Variants in RYK observed in about 807,000 individuals in gnomAD.
RYK encodes receptor like tyrosine kinase, also known as inactive tyrosine-protein kinase RYK.
A neutral mutation model predicts 70.2 loss-of-function variants in RYK; 21 were observed. The observed-to-expected ratio is 0.30, with a 90% CI of 0.21 to 0.43. RYK has a LOEUF of 0.43. RYK is among the 20% of genes least tolerant of loss of function. The pLI, the probability that RYK is intolerant of heterozygous loss-of-function variation, is 1.00. For synonymous variants in RYK, 267 were observed against 278.0 expected (o/e 0.96, Z 0.39); for missense variants, 604 against 753.3 (o/e 0.80, Z 2.32).
chr3:134,195,425 T>C (rs1560011535), intron 6 of RYK: 1 of 371,162 alleles, frequency 2.7e-6, no homozygotes, highest in Non-Finnish European at 4.8e-6. Flanking sequence ...TTCAGAAATG[T>C]AGGTACTAGT....
intron 1 of RYK, among the ~76,000 whole-genome samples, chr3:134,232,442 TCAA>T (rs1466375634): frequency 1.3e-5 from 2 of 152,156 alleles, no homozygotes; most frequent in Non-Finnish European, 1.5e-5. Context: ...GCTTGTACCC[TCAA>T]CAAATAAATA....
At chr3:134,177,015 T>C (rs1389176499) in intron 11 of RYK, among the ~76,000 whole-genome samples, 1 of 151,790 alleles carries the variant, frequency 6.6e-6, no homozygotes, top group Non-Finnish European at 1.5e-5. Flanking sequence ...CACTGCACTC[T>C]AGCCTGGGCG....
Position 134,202,837 on chromosome 3 carries a change from A to G in RYK, c.681T>C (p.Arg227=), listed in dbSNP as rs2014068634. The part of the protein sequence containing the change: ...PVHAAPTTST[R]VFYISVGVCC... ...AAACCCCTACACTAATATAAAACAC[A>G]CGCGTAGAAGTGGTTGGAGCTGCAT... Residue 227 remains arginine (R), a synonymous_variant, in exon 6 of 15, where the codon CGT becomes CGC. Coordinates refer to ENST00000623711, the MANE Select transcript of RYK (RefSeq NM_002958.4). 6.2e-7 allele frequency: 1 copy of G among 1,613,638 alleles called. No homozygotes were observed. The highest frequency in any genetic ancestry group is 1.7e-5 in the Admixed American group (1 of 59,986).
chr3:134,162,218 G>A (rs1465551444), intron 13 of RYK, among the ~76,000 whole-genome samples: 2 of 150,078 alleles, frequency 1.3e-5, no homozygotes, highest in African/African-American at 2.5e-5. Context: ...AGGTACTGGG[G>A]GTTAGGGCTT....
intron 13 of RYK, among the ~76,000 whole-genome samples, chr3:134,163,990 T>A (rs1339908216): frequency 6.6e-6 from 1 of 152,176 alleles, no homozygotes; most frequent in Admixed American, 6.5e-5. Flanking sequence ...ATTATTTTAT[T>A]TAATTAATTA....
intron 13 of RYK, among the ~76,000 whole-genome samples, chr3:134,174,511 T>A (rs1157511927): frequency 6.6e-6 from 1 of 152,138 alleles, no homozygotes; most frequent in Non-Finnish European, 1.5e-5. Context: ...ATTCTTACAG[T>A]TGAAGCTTAG....
intron 3 of RYK, 132 bp from the exon 4 acceptor site, chr3:134,209,961 A>G (rs911223852): frequency 1.6e-5 from 11 of 701,406 alleles, no homozygotes; most frequent in Non-Finnish European, 2.3e-5. Context: ...ACATTTAAAT[A>G]AAGTAACTAA....
At position 134,226,283 on chromosome 3, in the gene RYK, A is replaced by C. The variant is rs1321623840; in HGVS notation, c.233-3744T>G. On this transcript the variant is annotated intron_variant, in intron 1 of 14. Coordinates refer to ENST00000623711, the MANE Select transcript of RYK (RefSeq NM_002958.4). ...AAACAACTTTGACAATAAAATCAACAAATTAGATGAAACAGAAGCACCCTT... is the reference window on the plus strand; with the variant it reads ...AAACAACTTTGACAATAAAATCAACCAATTAGATGAAACAGAAGCACCCTT... Among the ~76,000 whole-genome samples the C allele has an allele frequency of 7.9e-5, 12 of 152,278 alleles. No individual in the cohort carries two copies. In the East Asian group the frequency reaches 1.2e-3, roughly 15 times the overall value.
At chr3:134,250,328 C>T in intron 1 of RYK, 95 bp downstream of exon 1, 1 of 658,582 alleles carries the variant, frequency 1.5e-6, no homozygotes, top group Non-Finnish European at 2.1e-6. Context: ...AGGGTACTCG[C>T]CCGAGGTCCA....
chr3:134,226,211 C>T (rs372439948), intron 1 of RYK, among the ~76,000 whole-genome samples: 1 of 151,908 alleles, frequency 6.6e-6, no homozygotes, highest in South Asian at 2.1e-4. Flanking sequence ...GAAAATGAAA[C>T]ATTACTACAA....
chr3:134,185,614 G>A (rs965259454), intron 9 of RYK, among the ~76,000 whole-genome samples: 4 of 152,124 alleles, frequency 2.6e-5, no homozygotes, highest in Admixed American at 6.5e-5. Flanking sequence ...TTAGTAAATA[G>A]CAAAATGTGC....
At chr3:134,166,988 G>C (rs988063976) in intron 13 of RYK, among the ~76,000 whole-genome samples, 1 of 151,808 alleles carries the variant, frequency 6.6e-6, no homozygotes, top group Non-Finnish European at 1.5e-5. Context: ...TGCACCTCTA[G>C]ATTTTTCCTG....
At chr3:134,188,679 A>T (rs1016220046) in intron 9 of RYK, among the ~76,000 whole-genome samples, 158 bp downstream of exon 9, 3 of 152,200 alleles carry the variant, frequency 2.0e-5, no homozygotes, top group African/African-American at 7.2e-5. Flanking sequence ...TTTCCAAAAC[A>T]ATTAGGCTCA....
chr3:134,180,125 G>A (rs2013246059), intron 10 of RYK: 1 of 152,104 alleles, frequency 6.6e-6, no homozygotes. Context: ...TCTCAGTCTT[G>A]TTGAGGGCGT....
chr3:134,241,017 A>G (rs1159394558), intron 1 of RYK, among the ~76,000 whole-genome samples: 2 of 152,068 alleles, frequency 1.3e-5, no homozygotes, highest in Non-Finnish European at 2.9e-5. Flanking sequence ...AAACACATGC[A>G]TATGCACATA....
At chr3:134,188,776 C>A in intron 9 of RYK, 61 bp downstream of exon 9, 2 of 991,816 alleles carry the variant, frequency 2.0e-6, no homozygotes, top group South Asian at 1.5e-5. Context: ...CAGAATTTTG[C>A]TGGCAGGAGC....
chr3:134,216,818 A>AAAAAAAAAAAG (rs2014568171), intron 2 of RYK, among the ~76,000 whole-genome samples: 1 of 149,672 alleles, frequency 6.7e-6, no homozygotes, highest in Non-Finnish European at 1.5e-5. Context: ...AAAAAAAAAA[A>AAAAAAAAAAAG]AAAGCTACTG....
In RYK at chr3:134,202,760, T is replaced by A. The variant is rs1325096617; in HGVS notation, c.758A>T (p.His253Leu). ...VAIILAVLHL[H>L]SMKRIELDDS... ...ATCCAGTTCAATCCTTTTCATACTA[T>A]GAAGGTGCAAAACAGCTAATATTAT... The change falls in exon 6 of 15, where the codon CAT becomes CTT. Residue 253 changes from histidine to leucine, a missense_variant. Coordinates refer to ENST00000623711, the MANE Select transcript of RYK (RefSeq NM_002958.4). 6.2e-7 allele frequency: 1 copy of A among 1,612,916 alleles called. No homozygotes were observed. The highest frequency in any genetic ancestry group is 8.5e-7 in the Non-Finnish European group (1 of 1,179,692).
rs1200586938 is a variant in RYK, at chr3:134,157,574, A to C, written c.*579T>G. ...TTTGCTTCTAATAAGTATTTTTAAA[A>C]AAATTTTTTTTTCCTCTAGCTTTTC... On this transcript the variant is annotated 3_prime_UTR_variant, in exon 15 of 15. Transcript: ENST00000623711. 6.6e-6 allele frequency: 1 copy of C among 152,302 alleles called. No homozygotes were observed. The highest frequency in any genetic ancestry group is 1.9e-4 in the East Asian group (1 of 5,196). 9.4% of individuals were successfully genotyped at this position (152,302 alleles called of 1,614,324 possible). A position where few individuals can be genotyped will look rare whatever the true frequency, so the allele number is the denominator to read the frequency against.
Sources: allele counts gnomAD v4.1 joint callset (sites outside exome capture counted in the v4.1 genomes callset), GRCh38; gene constraint gnomAD v4.1.1; transcripts MANE v1.5; gene names NCBI Gene and HGNC (gene_info 2026-07-23, HGNC 2026-07-21).